Variants in RBM6 observed in about 807,000 individuals in gnomAD.
RBM6 encodes the protein RNA binding motif protein 6, also known as RNA-binding protein 6.
Under a neutral mutation model 140.4 loss-of-function variants are expected in RBM6, and 23 were observed. The ratio of observed to expected loss-of-function variants is 0.16; its 90% CI spans 0.12 to 0.23. RBM6 has a LOEUF of 0.23. Among genes scored for constraint, RBM6 ranks in the 10% least tolerant of loss-of-function variants. The probability of loss-of-function intolerance (pLI) is 1.00; values close to 1 mark genes in which losing one functional copy is unlikely to be tolerated. For missense variants in RBM6, 1,139 were observed against 1,386.7 expected, an observed-to-expected ratio of 0.82 and a Z score of 2.84; for synonymous variants, 439 against 475.6, an observed-to-expected ratio of 0.92 and a Z score of 1.00.
intron 1 of RBM6, among the ~76,000 whole-genome samples, chr3:49,944,137 C>T (rs2083394472): frequency 2.0e-5 from 3 of 152,036 alleles, no homozygotes; most frequent in African/African-American, 4.8e-5. Context: ...GTTTCTGTAC[C>T]CATTGAATAG....
At chr3:50,057,334 C>G (rs1163157299) in intron 8 of RBM6, among the ~76,000 whole-genome samples, 2 of 152,092 alleles carry the variant, frequency 1.3e-5, no homozygotes, top group African/African-American at 4.8e-5. Context: ...CACCTGTAAT[C>G]CCAGCACTCT....
intron 20 of RBM6, 128 bp downstream of exon 20, chr3:50,075,458 G>T: frequency 2.4e-6 from 3 of 1,275,546 alleles, no homozygotes; most frequent in Non-Finnish European, 3.3e-6. Context: ...GGACATGAGA[G>T]TTGAACACTT....
At chr3:50,048,383 T>C (rs1354313170) in intron 7 of RBM6, 64 bp downstream of exon 7, 2 of 1,568,468 alleles carry the variant, frequency 1.3e-6, no homozygotes, top group African/African-American at 2.7e-5. Context: ...TCCATATCTC[T>C]AGGAAGGCTG....
Position 50,058,484 on chromosome 3 carries a change from T to C in RBM6, c.2052T>C (p.Thr684=). 1 of 1,607,068 alleles carries C rather than the reference T, an allele frequency of 6.2e-7. No individual in the cohort carries two copies. Among genetic ancestry groups the C allele is most frequent in the Non-Finnish European group, 8.5e-7 (1 of 1,173,538 alleles). Reference sequence around the variant, plus strand: ...TGGAGCCCTATGTCCGCCTTACTACTGCCAACGTCCGTATCATCAAGAACA... The same window carrying C: ...TGGAGCCCTATGTCCGCCTTACTACCGCCAACGTCCGTATCATCAAGAACA... The part of the protein sequence containing the change: ...EVLEPYVRLT[T]ANVRIIKNRT... The change falls in exon 10 of 21, where the codon ACT becomes ACC. Residue 684 remains threonine, a synonymous_variant. Coordinates refer to ENST00000266022, the MANE Select transcript of RBM6 (RefSeq NM_005777.3).
rs553520089 is a variant in RBM6, at chr3:50,055,248, C to T, written c.1693+853C>T. 3.3e-5 allele frequency among the ~76,000 whole-genome samples: 5 copies of T among 152,240 alleles called. No homozygotes were observed. In the East Asian group the frequency reaches 5.8e-4, roughly 18 times the overall value. On this transcript the variant is annotated intron_variant, in intron 8 of 20. Transcript: ENST00000266022. ...TTCAAGACCAGCCTGACCAACATGC[C>T]GAAACCCTGTCTCTACTAAAATTAC...
rs549630865 is a variant in RBM6 at position 49,957,086 on chromosome 3, A to T, written c.-66-5490A>T. Among the ~76,000 whole-genome samples the T allele has an allele frequency of 2.0e-5, 3 of 152,274 alleles. No individual in the cohort carries two copies. In the East Asian group the frequency reaches 5.8e-4, roughly 29 times the overall value. The stretch of plus-strand genomic sequence containing the variant: ...CAGACTTGGATTCCTGGACTCAAGC[A>T]ATCCTCCCGCTTCATTCTTTGCAAG... On this transcript the variant is annotated intron_variant, in intron 1 of 20. Transcript: ENST00000266022.
intron 1 of RBM6, among the ~76,000 whole-genome samples, chr3:49,955,032 T>C (rs954061519): frequency 3.9e-5 from 6 of 152,086 alleles, no homozygotes; most frequent in African/African-American, 1.4e-4. Context: ...GTGCTGGGAT[T>C]ACAGGCGTGA....
chr3:49,959,864 G>A (rs72942344), intron 1 of RBM6, among the ~76,000 whole-genome samples: 1 of 152,184 alleles, frequency 6.6e-6, no homozygotes, highest in East Asian at 1.9e-4. Context: ...GAGCCCCCAC[G>A]CCCGGCCTAG....
intron 4 of RBM6, among the ~76,000 whole-genome samples, chr3:49,974,673 ATTTTTTT>A (rs55872898): frequency 0.03 from 2,159 of 72,494 alleles, 105 homozygotes; most frequent in African/African-American, 0.13. Context: ...TGCCCGGCCA[ATTTTTTT>A]TTTTTTTTTT....
intron 6 of RBM6, chr3:50,047,107 G>A (rs1332682830): frequency 1.5e-5 from 14 of 952,408 alleles, no homozygotes; most frequent in Non-Finnish European, 1.6e-5. Context: ...GTTTTGACAA[G>A]ACAATAATTT....
intron 6 of RBM6, among the ~76,000 whole-genome samples, chr3:50,036,255 T>G (rs963493138): frequency 6.6e-5 from 10 of 152,228 alleles, no homozygotes; most frequent in Non-Finnish European, 1.3e-4. Context: ...AGATGCCTTT[T>G]AATAAACTGG....
intron 5 of RBM6, among the ~76,000 whole-genome samples, chr3:49,998,894 A>C (rs1030386996): frequency 2.3e-4 from 35 of 152,150 alleles, no homozygotes; most frequent in African/African-American, 8.0e-4. Context: ...TCCCCTGCCA[A>C]CCAGAAGCCT....
intron 6 of RBM6, among the ~76,000 whole-genome samples, chr3:50,012,461 C>T (rs567389145): frequency 1.3e-5 from 2 of 151,532 alleles, no homozygotes. Flanking sequence ...GGGTTCACGC[C>T]ATTCTCCTGC....
At chr3:50,024,715 A>G (rs2087702106) in intron 6 of RBM6, among the ~76,000 whole-genome samples, 1 of 152,204 alleles carries the variant, frequency 6.6e-6, no homozygotes, top group Non-Finnish European at 1.5e-5. Context: ...GCACTTTGGG[A>G]GGCTGAAGCG....
At chr3:49,952,865 T>TA (rs978519210) in intron 1 of RBM6, among the ~76,000 whole-genome samples, 1 of 152,154 alleles carries the variant, frequency 6.6e-6, no homozygotes, top group Non-Finnish European at 1.5e-5. Context: ...ACTTACCAAA[T>TA]ATGTAATTTG....
At chr3:49,993,051 G>A (rs189562961) in intron 5 of RBM6, among the ~76,000 whole-genome samples, 133 of 152,292 alleles carry the variant, frequency 8.7e-4, no homozygotes, top group African/African-American at 3.1e-3. Flanking sequence ...GACTTATGTA[G>A]CATCTTGAGG....
intron 5 of RBM6, among the ~76,000 whole-genome samples, chr3:49,987,404 C>T (rs539284224): frequency 4.6e-5 from 7 of 152,106 alleles, no homozygotes; most frequent in East Asian, 3.9e-4. Flanking sequence ...CAACCTCCAC[C>T]TCCCAGATTC....
At chr3:49,941,380 C>T (rs1354723418) in intron 1 of RBM6, among the ~76,000 whole-genome samples, 1 of 151,936 alleles carries the variant, frequency 6.6e-6, no homozygotes, top group Non-Finnish European at 1.5e-5. Context: ...ATTACCAGGC[C>T]GAGCCTGGTG....
At chr3:49,974,021 C>A (rs1322746696) in intron 4 of RBM6, among the ~76,000 whole-genome samples, 2 of 152,086 alleles carry the variant, frequency 1.3e-5, no homozygotes, top group Non-Finnish European at 2.9e-5. Flanking sequence ...CCTCAGCCTC[C>A]TGAGTAGCTG....
Sources: allele counts gnomAD v4.1 joint callset (sites outside exome capture counted in the v4.1 genomes callset), GRCh38; gene constraint gnomAD v4.1.1; transcripts MANE v1.5; gene names NCBI Gene and HGNC (gene_info 2026-07-23, HGNC 2026-07-21).